Variants in USH2A observed in about 807,000 individuals in gnomAD.
The protein encoded by USH2A is Usher syndrome 2A (autosomal recessive, mild).
USH2A carries 443 observed loss-of-function variants against 538.9 expected under a neutral mutation model. The ratio of observed to expected loss-of-function variants is 0.82; its 90% CI spans 0.76 to 0.89. USH2A has a LOEUF of 0.89. Ranked by LOEUF, USH2A falls within the 40% of genes least tolerant of loss-of-function variation. The pLI, the probability that USH2A is intolerant of heterozygous loss-of-function variation, is 0.00. For synonymous variants in USH2A, 2,413 were observed against 2,273.5 expected (o/e 1.06, Z -1.75); for missense variants, 6,633 against 6,324.8 (o/e 1.05, Z -1.65).
chr1:215,747,916 G>T (rs1480682321), intron 58 of USH2A, among the ~76,000 whole-genome samples: 1 of 146,340 alleles, frequency 6.8e-6, no homozygotes, highest in Non-Finnish European at 1.5e-5. Context: ...ACGGAGTCTC[G>T]CTCTGTCGCC....
chr1:215,761,238 C>A (rs1027202378), intron 56 of USH2A, among the ~76,000 whole-genome samples: 1 of 152,156 alleles, frequency 6.6e-6, no homozygotes, highest in Non-Finnish European at 1.5e-5. Flanking sequence ...AGAATGTTCT[C>A]ATATGTTCTC....
intron 61 of USH2A, among the ~76,000 whole-genome samples, chr1:215,715,563 C>G (rs980723466): frequency 6.6e-6 from 1 of 152,110 alleles, no homozygotes; most frequent in African/African-American, 2.4e-5. Context: ...TCTTTTCTCC[C>G]TAGAAAACTT....
In USH2A at chr1:215,754,842, G is replaced by A. The variant is rs370106729; in HGVS notation, c.11389+3753C>T. ...TATTGTAATTCACCAGTCTCACTTG[G>A]TGAGTGTGATCCATGTTTTTGGTAA... is the stretch of plus-strand genomic sequence containing the variant. On this transcript the variant is annotated intron_variant, in intron 58 of 71. Coordinates refer to ENST00000307340, the MANE Select transcript of USH2A (RefSeq NM_206933.4). Among the ~76,000 whole-genome samples the A allele has an allele frequency of 1.1e-4, 16 of 152,332 alleles. 1 individual carries two copies. In the East Asian group the frequency reaches 3.1e-3, roughly 29 times the overall value.
In USH2A at chr1:215,812,450, C is replaced by T. The variant is rs188648312; in HGVS notation, c.9739+1286G>A. Reference sequence around the variant, plus strand: ...AAGATGAACCCATCAGGTGATTGCACGCCTTCTATATTTGCTCCAGTATTT... The same window carrying T: ...AAGATGAACCCATCAGGTGATTGCATGCCTTCTATATTTGCTCCAGTATTT... On this transcript the variant is annotated intron_variant, in intron 49 of 71. Coordinates refer to ENST00000307340, the MANE Select transcript of USH2A (RefSeq NM_206933.4). Among the ~76,000 whole-genome samples the T allele has an allele frequency of 3.7e-3, 557 of 152,266 alleles. 1 individual carries two copies. The highest frequency in any genetic ancestry group is 6.3e-3 in the Non-Finnish European group (429 of 68,018).
intron 32 of USH2A, among the ~76,000 whole-genome samples, chr1:216,007,097 T>C (rs748499733): frequency 6.6e-6 from 1 of 152,122 alleles, no homozygotes; most frequent in Non-Finnish European, 1.5e-5. Context: ...CCCTTTCCCT[T>C]GGCTCTCATT....
chr1:215,981,838 A>G (rs572202195), intron 35 of USH2A, among the ~76,000 whole-genome samples: 2 of 152,316 alleles, frequency 1.3e-5, no homozygotes, highest in African/African-American at 4.8e-5. Flanking sequence ...GTTTCATTCA[A>G]TGGCATTTTA....
chr1:215,645,840 G>T (rs1414876074), intron 67 of USH2A, among the ~76,000 whole-genome samples: 5 of 151,782 alleles, frequency 3.3e-5, no homozygotes, highest in African/African-American at 1.2e-4. Flanking sequence ...AATTCTATTT[G>T]TCAAAATTTA....
intron 65 of USH2A, among the ~76,000 whole-genome samples, chr1:215,649,377 A>G (rs1220888712): frequency 6.6e-6 from 1 of 152,182 alleles, no homozygotes; most frequent in Non-Finnish European, 1.5e-5. Flanking sequence ...CAAATTTTTA[A>G]CCTCATTGTG....
At chr1:215,924,767 G>T (rs572902185) in intron 38 of USH2A, among the ~76,000 whole-genome samples, 2 of 152,154 alleles carry the variant, frequency 1.3e-5, no homozygotes, top group African/African-American at 4.8e-5. Context: ...AAAAGAAAAA[G>T]ATGTGATTTT....
chr1:215,804,955 TA>T (rs796948351), intron 49 of USH2A, among the ~76,000 whole-genome samples: 7 of 152,214 alleles, frequency 4.6e-5, no homozygotes, highest in African/African-American at 1.7e-4. Flanking sequence ...TATGCAGCCA[TA>T]AAAAATGATG....
chr1:215,984,129 G>C (rs184993193), intron 35 of USH2A, among the ~76,000 whole-genome samples: 1 of 152,300 alleles, frequency 6.6e-6, no homozygotes, highest in East Asian at 1.9e-4. Context: ...TGTGAGGAAG[G>C]TTCAGCCTTA....
rs183596767 is a variant in USH2A, at chr1:216,126,210, T to G, written c.4628-28997A>C. Among the ~76,000 whole-genome samples, 127 of 138,076 alleles carry G rather than the reference T, an allele frequency of 9.2e-4. 1 individual carries two copies. The highest frequency in any genetic ancestry group is 2.2e-3 in the East Asian group (7 of 3,166). The allele number at this position is 138,076 out of a possible 152,430, so 90.6% of individuals were successfully genotyped here. ...CTGGCAATTAACAGCCGTTGCTTTT[T>G]TTGTTGTTGTTGTTTTGTTTTTGTT... is the stretch of plus-strand genomic sequence containing the variant. On this transcript the variant is annotated intron_variant, in intron 21 of 71. Transcript: ENST00000307340.
intron 30 of USH2A, among the ~76,000 whole-genome samples, chr1:216,059,442 C>G (rs923338496): frequency 6.6e-5 from 10 of 152,180 alleles, no homozygotes; most frequent in African/African-American, 2.4e-4. Flanking sequence ...ACTTCTTTGT[C>G]AATGACTGGG....
intron 3 of USH2A, 81 bp downstream of exon 3, chr1:216,418,433 G>A (rs1313744052): frequency 7.9e-6 from 12 of 1,512,002 alleles, no homozygotes; most frequent in Admixed American, 1.7e-5. Flanking sequence ...CAGATTTTGT[G>A]AGTAGATGCC....
At chr1:216,209,042 C>T (rs1468270352) in intron 15 of USH2A, among the ~76,000 whole-genome samples, 1 of 152,310 alleles carries the variant, frequency 6.6e-6, no homozygotes, top group East Asian at 1.9e-4. Context: ...GTGGTCCTCT[C>T]TTATCAGTTC....
chr1:215,759,090 G>T (rs979061048), intron 57 of USH2A, among the ~76,000 whole-genome samples: 1 of 152,156 alleles, frequency 6.6e-6, no homozygotes, highest in Non-Finnish European at 1.5e-5. Flanking sequence ...AGGGAAATAT[G>T]TTTAGAGAAA....
chr1:215,902,266 C>T (rs961477652), intron 38 of USH2A, among the ~76,000 whole-genome samples: 1 of 152,104 alleles, frequency 6.6e-6, no homozygotes, highest in Non-Finnish European at 1.5e-5. Context: ...GTCAATTTTA[C>T]ATACTCTCCA....
At chr1:215,857,675 C>T (rs1664207279) in intron 44 of USH2A, among the ~76,000 whole-genome samples, 1 of 152,118 alleles carries the variant, frequency 6.6e-6, no homozygotes, top group African/African-American at 2.4e-5. Flanking sequence ...GTTTTCAGCC[C>T]TCTGACATCA....
chr1:216,114,362 A>G (rs1320751284), intron 21 of USH2A, among the ~76,000 whole-genome samples: 1 of 151,976 alleles, frequency 6.6e-6, no homozygotes, highest in Non-Finnish European at 1.5e-5. Context: ...CACATGGGTT[A>G]TATCATCCAG....
Sources: allele counts gnomAD v4.1 joint callset (sites outside exome capture counted in the v4.1 genomes callset), GRCh38; gene constraint gnomAD v4.1.1; transcripts MANE v1.5; gene names NCBI Gene and HGNC (gene_info 2026-07-23, HGNC 2026-07-21).